Variants in ZNF860 observed in about 807,000 individuals in gnomAD.
ZNF860 encodes the protein zinc finger protein 860.
For synonymous variants in ZNF860, 206 were observed against 248.9 expected (o/e 0.83, Z 1.62); for missense variants, 641 against 759.2 (o/e 0.84, Z 1.83).
rs1699030416 is a variant in ZNF860 at position 31,991,579 on chromosome 3, T to C, written c.*601T>C. Reference sequence around the variant, plus strand: ...TGTTAATGTATGGAAATTTAACTAATTTTTGGTACTGATATTGTATTCTGC... The same window carrying C: ...TGTTAATGTATGGAAATTTAACTAACTTTTGGTACTGATATTGTATTCTGC... On this transcript the variant is annotated 3_prime_UTR_variant, in exon 2 of 2. Coordinates refer to ENST00000360311, the MANE Select transcript of ZNF860 (RefSeq NM_001137674.3). 1 of 166,818 alleles carries C rather than the reference T, an allele frequency of 6.0e-6. No homozygotes were observed. The highest frequency in any genetic ancestry group is 2.1e-4 in the South Asian group (1 of 4,828). 10.3% of individuals were successfully genotyped at this position (166,818 alleles called of 1,614,324 possible).
At chr3:31,987,881 A>G (rs1006838128) in intron 1 of ZNF860, among the ~76,000 whole-genome samples, 2 of 152,262 alleles carry the variant, frequency 1.3e-5, no homozygotes, top group Admixed American at 1.3e-4. Flanking sequence ...ATGTAAAACC[A>G]TTAGATTTTC....
rs1698980063 is a variant in ZNF860, at chr3:31,988,814, A to G, written c.-266A>G. 1 of 513,438 alleles carries G rather than the reference A, an allele frequency of 1.9e-6. No individual in the cohort carries two copies. Among genetic ancestry groups the G allele is most frequent in the Non-Finnish European group, 3.5e-6 (1 of 288,334 alleles). The allele number at this position is 513,438 out of a possible 1,614,324, so 31.8% of individuals were successfully genotyped here. A position where few individuals can be genotyped will look rare whatever the true frequency, so the allele number is the denominator to read the frequency against. The stretch of plus-strand genomic sequence containing the variant: ...TAACAGCCATGTGAGTGACCTTGGA[A>G]GTAGGTTGTCACCAGTCAAGCCTTG... On this transcript the variant is annotated 5_prime_UTR_variant, in exon 2 of 2. Coordinates refer to ENST00000360311, the MANE Select transcript of ZNF860 (RefSeq NM_001137674.3).
downstream of ZNF860, among the ~76,000 whole-genome samples, chr3:31,993,558 T>C (rs1308438648): frequency 1.3e-5 from 2 of 152,066 alleles, no homozygotes; most frequent in Non-Finnish European, 2.9e-5. Flanking sequence ...CTTCACCAAA[T>C]AAGATATACA....
downstream of ZNF860, among the ~76,000 whole-genome samples, chr3:31,995,364 G>C (rs1033883886): frequency 1.3e-5 from 2 of 152,110 alleles, no homozygotes; most frequent in African/African-American, 4.8e-5. Flanking sequence ...TTTCCCTAGG[G>C]TCTTAATATT....
downstream of ZNF860, among the ~76,000 whole-genome samples, chr3:31,991,998 T>C (rs896053601): frequency 6.6e-6 from 1 of 151,806 alleles, no homozygotes; most frequent in Non-Finnish European, 1.5e-5. Flanking sequence ...ATACAAAAAT[T>C]AGCCAGGCGT....
chr3:31,990,838 A>G lies in ZNF860; in HGVS notation c.1759A>G (p.Ile587Val). ...TTCATCTTATGCAAAACAAAGGAGA[A>G]TTCATATGGGAGAGAAACATCACAA... is the stretch of plus-strand genomic sequence containing the variant. ...QASSYAKQRRIHMGEKHHKCD... is the reference protein window; with the variant it reads ...QASSYAKQRRVHMGEKHHKCD... Residue 587 changes from isoleucine to valine, a missense_variant, in exon 2 of 2, where the codon ATT (isoleucine) becomes GTT (valine). Ile to Val is a conservative substitution (Grantham distance 29, BLOSUM62 3). Transcript: ENST00000360311. 1 of 1,589,122 alleles carries G rather than the reference A, an allele frequency of 6.3e-7. No homozygotes were observed. The highest frequency in any genetic ancestry group is 8.6e-7 in the Non-Finnish European group (1 of 1,166,566).
chr3:31,995,830 G>A (rs1224580210), downstream of ZNF860, among the ~76,000 whole-genome samples: 2 of 152,184 alleles, frequency 1.3e-5, no homozygotes, highest in East Asian at 3.9e-4. Flanking sequence ...AAGAGCCACA[G>A]GAAGTCCCTA....
At chr3:31,984,545 A>G (rs1194800155) in intron 1 of ZNF860, among the ~76,000 whole-genome samples, 1 of 152,160 alleles carries the variant, frequency 6.6e-6, no homozygotes, top group African/African-American at 2.4e-5. Flanking sequence ...AATGCAGGGT[A>G]TGAAAAACAC....
In ZNF860 at chr3:31,989,639, C is replaced by T; in HGVS notation, c.560C>T (p.Ser187Phe). Residue 187 changes from serine to phenylalanine, a missense_variant, in exon 2 of 2, where the codon TCC becomes TTC. Physicochemically the swap from Ser to Phe is radical, Grantham distance 155. Transcript: ENST00000360311. The part of the protein sequence containing the change: ...NQVEKSINDA[S>F]SVLTSQRISS... ...GTTGAGAAGTCTATCAACGATGCTTCCTCAGTTCTAACGTCCCAAAGAATT... is the reference window on the plus strand; with the variant it reads ...GTTGAGAAGTCTATCAACGATGCTTTCTCAGTTCTAACGTCCCAAAGAATT... The T allele has an allele frequency of 6.2e-7, 1 of 1,614,172 alleles. No individual in the cohort carries two copies. The highest frequency in any genetic ancestry group is 8.5e-7 in the Non-Finnish European group (1 of 1,180,026).
In ZNF860 at chr3:31,990,044, T is replaced by A; in HGVS notation, c.965T>A (p.Val322Asp). The change falls in exon 2 of 2, where the codon GTT (valine) becomes GAT (aspartate). Residue 322 changes from valine to aspartate, a missense_variant. Coordinates refer to ENST00000360311, the MANE Select transcript of ZNF860 (RefSeq NM_001137674.3). ...KPYKCEECDK[V>D]FSRKSNLERH... ...TACAAATGTGAAGAATGTGACAAAG[T>A]TTTTAGTCGCAAATCAAATCTTGAA... The A allele has an allele frequency of 1.2e-6, 2 of 1,613,854 alleles. No homozygotes were observed. The highest frequency in any genetic ancestry group is 1.7e-6 in the Non-Finnish European group (2 of 1,179,928).
At chr3:31,991,863 TAAA>T (rs34418500), downstream of ZNF860, among the ~76,000 whole-genome samples, 120 of 146,184 alleles carry the variant, frequency 8.2e-4, no homozygotes, top group African/African-American at 2.8e-3. Context: ...CAAGACAGGC[TAAA>T]AAAAAAAAAA....
intron 1 of ZNF860, among the ~76,000 whole-genome samples, chr3:31,985,975 G>A (rs937345182): frequency 1.3e-5 from 2 of 152,150 alleles, no homozygotes; most frequent in African/African-American, 4.8e-5. Context: ...TTTCAACTTA[G>A]GCAATTTGGC....
At chr3:32,004,928 CTTA>C in the ZNF860 span, among the ~76,000 whole-genome samples, 3 of 152,194 alleles carry the variant, frequency 2.0e-5, no homozygotes, top group African/African-American at 4.8e-5. Context: ...TCAATTCCCA[CTTA>C]TGTTTCTCCC....
At chr3:31,994,973 G>A (rs755891609), downstream of ZNF860, among the ~76,000 whole-genome samples, 7 of 152,150 alleles carry the variant, frequency 4.6e-5, no homozygotes, top group South Asian at 4.1e-4. Context: ...CACCTGAGCC[G>A]CAAAACCAGT....
chr3:31,983,271 A>G (rs552283045), intron 1 of ZNF860, among the ~76,000 whole-genome samples: 2 of 152,352 alleles, frequency 1.3e-5, no homozygotes, highest in South Asian at 4.1e-4. Flanking sequence ...TATAAATGTC[A>G]GCATTATGTA....
chr3:31,996,169 G>A (rs1053840437), downstream of ZNF860, among the ~76,000 whole-genome samples: 17 of 152,238 alleles, frequency 1.1e-4, no homozygotes, highest in East Asian at 1.9e-4. Context: ...ACAGGTAAAC[G>A]CAAACAACCA....
the ZNF860 span, among the ~76,000 whole-genome samples, chr3:32,001,483 G>A: frequency 7.2e-5 from 11 of 152,026 alleles, no homozygotes; most frequent in African/African-American, 2.7e-4. Flanking sequence ...CCTGACTCTC[G>A]TGCAAATGTG....
chr3:31,987,187 T>C (rs532661544), intron 1 of ZNF860, among the ~76,000 whole-genome samples: 9 of 152,336 alleles, frequency 5.9e-5, no homozygotes, highest in African/African-American at 9.6e-5. Context: ...TGCATAGTTG[T>C]ATATCATTTT....
Position 31,989,334 on chromosome 3 carries a change from CACAGGG to C in ZNF860, c.259_264del (p.Gly87_Thr88del). The C allele has an allele frequency of 6.2e-7, 1 of 1,614,126 alleles. No homozygotes were observed. Among genetic ancestry groups the C allele is most frequent in the South Asian group, 1.1e-5 (1 of 91,074 alleles). ...CAGCGCAAGGCAATACAGAAGTGGA[CACAGGG>C]ACATTAGAAAGACATGAAAGTCATC... is the stretch of plus-strand genomic sequence containing the variant. On this transcript the variant is annotated inframe_deletion, in exon 2 of 2. Transcript: ENST00000360311.
Sources: allele counts gnomAD v4.1 joint callset (sites outside exome capture counted in the v4.1 genomes callset), GRCh38; gene constraint gnomAD v4.1.1; transcripts MANE v1.5; gene names NCBI Gene and HGNC (gene_info 2026-07-23, HGNC 2026-07-21).